LMTK2: variants seen among roughly 807,000 people sequenced by gnomAD.
LMTK2 encodes the protein lemur tail kinase 2.
Under a neutral mutation model 127.5 loss-of-function variants are expected in LMTK2, and 37 were observed. The observed-to-expected ratio is 0.29, with a 90% CI of 0.22 to 0.38. The LOEUF (loss-of-function observed/expected upper bound fraction) is 0.38. Among genes scored for constraint, LMTK2 ranks in the 10% least tolerant of loss-of-function variants. The pLI, the probability that LMTK2 is intolerant of heterozygous loss-of-function variation, is 1.00. For missense variants in LMTK2, 1,694 were observed against 1,920.3 expected, an observed-to-expected ratio of 0.88 and a Z score of 2.20; for synonymous variants, 819 against 810.1, an observed-to-expected ratio of 1.01 and a Z score of -0.19.
At chr7:98,165,460 C>T (rs1467998718) in intron 6 of LMTK2, among the ~76,000 whole-genome samples, 1 of 152,090 alleles carries the variant, frequency 6.6e-6, no homozygotes, top group Non-Finnish European at 1.5e-5. Flanking sequence ...TTACGGGTGG[C>T]TTGATTTTAT....
At chr7:98,133,576 G>T (rs1584253728) in intron 1 of LMTK2, among the ~76,000 whole-genome samples, 1 of 151,996 alleles carries the variant, frequency 6.6e-6, no homozygotes, top group Non-Finnish European at 1.5e-5. Context: ...TTTAAAAAGG[G>T]GTAACTAAAA....
In LMTK2 at chr7:98,165,989, C is replaced by T. The variant is rs570055819; in HGVS notation, c.658-5552C>T. ...GTCGGGGGTACGTTCCCAGTCCCTG[C>T]GTCTGCCCTGTTCCAGTGCCCGGCC... On this transcript the variant is annotated intron_variant, in intron 6 of 13. Transcript: ENST00000297293. Among the ~76,000 whole-genome samples the T allele has an allele frequency of 2.0e-5, 3 of 152,138 alleles. No homozygotes were observed. In the East Asian group the frequency reaches 5.8e-4, roughly 30 times the overall value.
intron 1 of LMTK2, among the ~76,000 whole-genome samples, chr7:98,115,053 T>C (rs1796257697): frequency 6.6e-6 from 1 of 152,164 alleles, no homozygotes; most frequent in Non-Finnish European, 1.5e-5. Context: ...ATGTGATGTT[T>C]TAAGGTATAG....
At chr7:98,180,311 C>T (rs963338869) in intron 7 of LMTK2, among the ~76,000 whole-genome samples, 6 of 152,200 alleles carry the variant, frequency 3.9e-5, no homozygotes, top group Admixed American at 1.3e-4. Flanking sequence ...TAAAGACATA[C>T]ATTTTGCACT....
At chr7:98,179,210 G>A (rs1243254895) in intron 7 of LMTK2, among the ~76,000 whole-genome samples, 6 of 152,356 alleles carry the variant, frequency 3.9e-5, no homozygotes, top group Middle Eastern at 3.4e-3. Context: ...AAAGACCTAC[G>A]TGGAATGTTA....
At position 98,193,945 on chromosome 7, in the gene LMTK2, A is replaced by G. The variant is rs146559556; in HGVS notation, c.3480A>G (p.Pro1160=). The part of the protein sequence containing the change: ...DSCLEARKSQ[P]DESCLSALHN... ...GCCTGGAAGCCAGAAAGAGCCAGCC[A>G]GATGAAAGTTGTCTGTCTGCTTTGC... is the stretch of plus-strand genomic sequence containing the variant. The change falls in exon 11 of 14, where the codon CCA becomes CCG. Residue 1160 remains proline (P), a synonymous_variant. Transcript: ENST00000297293. This position sits in a 1 kb window ranked among gnomAD's most constrained non-coding sequence, Gnocchi z 4.1. 3,177 of 1,614,142 alleles carry G rather than the reference A, an allele frequency of 2.0e-3. 22 individuals carry two copies. Among genetic ancestry groups the G allele is most frequent in the South Asian group, 0.01 (949 of 91,078 alleles).
Position 98,205,708 on chromosome 7 carries a change from C to A in LMTK2, c.*216C>A. On this transcript the variant is annotated 3_prime_UTR_variant, in exon 14 of 14. Transcript: ENST00000297293. ...GAGGCCGTGTCCAGGAGCCGGCGTC[C>A]CTCAGTGCCCCGTGCACCCGCGGCC... 1.7e-6 allele frequency: 1 copy of A among 602,868 alleles called. No individual in the cohort carries two copies. The highest frequency in any genetic ancestry group is 2.9e-6 in the Non-Finnish European group (1 of 340,186). 37.3% of individuals were successfully genotyped at this position (602,868 alleles called of 1,614,324 possible). A position where few individuals can be genotyped will look rare whatever the true frequency, so the allele number is the denominator to read the frequency against.
At chr7:98,151,565 G>C in intron 4 of LMTK2, 110 bp downstream of exon 4, 1 of 815,842 alleles carries the variant, frequency 1.2e-6, no homozygotes, top group Non-Finnish European at 1.9e-6. Flanking sequence ...TGGGCCCTGC[G>C]TTACTAATTG....
chr7:98,192,912 C>A lies in LMTK2; in HGVS notation c.2447C>A (p.Pro816His). Residue 816 changes from proline (P) to histidine (H), a missense_variant, in exon 11 of 14, where the codon CCT becomes CAT. Physicochemically the swap from Pro to His is moderately conservative, Grantham distance 77. Around this residue, in one of 8 missense-constraint regions of LMTK2, gnomAD observed 527 missense variants for 539.8 expected, o/e 0.98. Transcript: ENST00000297293. ...SLQSSPEVQVPPTSFETEETP... is the reference protein window; with the variant it reads ...SLQSSPEVQVHPTSFETEETP... ...CAGTCTTCCCCGGAAGTGCAGGTACCTCCTACCTCCTTCGAAACAGAAGAA... is the reference window on the plus strand; with the variant it reads ...CAGTCTTCCCCGGAAGTGCAGGTACATCCTACCTCCTTCGAAACAGAAGAA... 6.2e-7 allele frequency: 1 copy of A among 1,613,902 alleles called. No individual in the cohort carries two copies. The highest frequency in any genetic ancestry group is 8.5e-7 in the Non-Finnish European group (1 of 1,179,838).
intron 1 of LMTK2, among the ~76,000 whole-genome samples, chr7:98,108,856 CTTTT>C (rs11345679): frequency 9.9e-6 from 1 of 100,794 alleles, no homozygotes; most frequent in Admixed American, 1.2e-4. Flanking sequence ...TGCCTGCACA[CTTTT>C]TTTTTTTTTT....
chr7:98,192,673 G>T lies in LMTK2; in HGVS notation c.2208G>T (p.Leu736Phe), dbSNP rs774554691. Residue 736 changes from leucine to phenylalanine, a missense_variant, in exon 11 of 14, where the codon TTG (leucine) becomes TTT (phenylalanine). Around this residue, in one of 8 missense-constraint regions of LMTK2, gnomAD observed 527 missense variants for 539.8 expected, o/e 0.98. Coordinates refer to ENST00000297293, the MANE Select transcript of LMTK2 (RefSeq NM_014916.4). Reference protein sequence around the residue: ...LQEKNLLKGSLSSKEHINDLQ... With the variant: ...LQEKNLLKGSFSSKEHINDLQ... The stretch of plus-strand genomic sequence containing the variant: ...AGAAAAACTTACTAAAAGGCTCATT[G>T]TCCAGCAAAGAACACATAAATGATC... The T allele has an allele frequency of 6.2e-7, 1 of 1,611,110 alleles. No homozygotes were observed. The highest frequency in any genetic ancestry group is 8.5e-7 in the Non-Finnish European group (1 of 1,179,294).
At chr7:98,113,419 T>C (rs911698966) in intron 1 of LMTK2, among the ~76,000 whole-genome samples, 1 of 152,078 alleles carries the variant, frequency 6.6e-6, no homozygotes, top group African/African-American at 2.4e-5. Flanking sequence ...AGCGATTCTT[T>C]ATAGCACTGT....
chr7:98,166,649 A>G (rs74423244), intron 6 of LMTK2, among the ~76,000 whole-genome samples: 130 of 152,354 alleles, frequency 8.5e-4, no homozygotes, highest in African/African-American at 3.1e-3. Flanking sequence ...GGCTGCATAC[A>G]GAAATACTTG....
chr7:98,190,613 A>G, intron 9 of LMTK2, 115 bp from the exon 10 acceptor site: 1 of 969,934 alleles, frequency 1.0e-6, no homozygotes, highest in South Asian at 1.5e-5. Context: ...GATCCTATTA[A>G]TAATCTTTTC....
intron 7 of LMTK2, among the ~76,000 whole-genome samples, chr7:98,176,761 C>T (rs1425495406): frequency 2.6e-5 from 4 of 152,096 alleles, no homozygotes; most frequent in East Asian, 1.9e-4. Context: ...GCAGGAGAAT[C>T]GCTTGAACCC....
In LMTK2 at chr7:98,204,146, T is replaced by C; in HGVS notation, c.4443T>C (p.Phe1481=). The change falls in exon 13 of 14, where the codon TTT becomes TTC. Residue 1481 remains phenylalanine, a synonymous_variant. Coordinates refer to ENST00000297293, the MANE Select transcript of LMTK2 (RefSeq NM_014916.4). ...TCTCTCCCGCCAACATTGCCAGCTT[T>C]TCCCTCACACACCTGACCGACTCGG... The part of the protein sequence containing the change: ...FSISPANIAS[F]SLTHLTDSDI... 6.2e-7 allele frequency: 1 copy of C among 1,610,548 alleles called. No individual in the cohort carries two copies. The highest frequency in any genetic ancestry group is 8.5e-7 in the Non-Finnish European group (1 of 1,179,926).
In LMTK2 at chr7:98,137,450, C is replaced by T. The variant is rs760253754; in HGVS notation, c.231+8C>T. The T allele has an allele frequency of 2.5e-6, 4 of 1,609,978 alleles. No homozygotes were observed. In the South Asian group the frequency reaches 3.3e-5, roughly 13 times the overall value. ...CCAGAAATAGACTTTAAGGTGAGCA[C>T]AGAGGGTAGGAACATTTAAAATGGT... On this transcript the variant is annotated splice_region_variant and intron_variant, in intron 2 of 13. Coordinates refer to ENST00000297293, the MANE Select transcript of LMTK2 (RefSeq NM_014916.4).
chr7:98,167,910 T>C (rs891812220), intron 6 of LMTK2, among the ~76,000 whole-genome samples: 5 of 152,018 alleles, frequency 3.3e-5, no homozygotes, highest in African/African-American at 1.2e-4. Flanking sequence ...GAGGTTGCGG[T>C]GCCCGAAGGC....
intron 3 of LMTK2, among the ~76,000 whole-genome samples, chr7:98,147,268 GA>G (rs1796788166): frequency 6.6e-6 from 1 of 151,614 alleles, no homozygotes; most frequent in Non-Finnish European, 1.5e-5. Context: ...ACCCAGGCTA[GA>G]TTGCAGTGCT....
Sources: gnomAD v4.1 joint callset for allele counts (sites outside exome capture counted in the v4.1 genomes callset) on GRCh38, gnomAD v4.1.1 for gene constraint, gnomAD v4.1.1 regional missense constraint, Gnocchi (gnomAD v3.1) non-coding constraint, MANE v1.5 for transcripts, NCBI Gene and HGNC (gene_info 2026-07-23, HGNC 2026-07-21) for gene names.